BTBD9: variants seen among roughly 807,000 people sequenced by gnomAD.
BTBD9 encodes the protein BTB domain containing 9.
BTBD9 carries 49 observed loss-of-function variants against 64.3 expected under a neutral mutation model. The observed-to-expected ratio is 0.76, with a 90% CI of 0.61 to 0.97. The LOEUF (loss-of-function observed/expected upper bound fraction) is 0.97. Among genes scored for constraint, BTBD9 ranks in the 50% least tolerant of loss-of-function variants. The pLI is 0.00. For missense variants in BTBD9, 598 were observed against 762.1 expected (o/e 0.78, Z 2.53); for synonymous variants, 260 against 274.7 (o/e 0.95, Z 0.53).
intron 6 of BTBD9, among the ~76,000 whole-genome samples, chr6:38,364,902 A>T (rs1162303267): frequency 6.6e-6 from 1 of 152,178 alleles, no homozygotes; most frequent in Non-Finnish European, 1.5e-5. Context: ...GAGATCCTCA[A>T]AATCATTCAG....
intron 6 of BTBD9, among the ~76,000 whole-genome samples, chr6:38,484,298 C>T (rs1277661195): frequency 6.6e-6 from 1 of 151,956 alleles, no homozygotes; most frequent in East Asian, 1.9e-4. Context: ...TTTTAAATGT[C>T]TAATGAGGAT....
intron 6 of BTBD9, among the ~76,000 whole-genome samples, chr6:38,382,906 C>T (rs1473061962): frequency 1.3e-5 from 2 of 152,096 alleles, no homozygotes; most frequent in Non-Finnish European, 2.9e-5. Context: ...ATTTAATCAA[C>T]AGTTAATAGT....
intron 1 of BTBD9, among the ~76,000 whole-genome samples, chr6:38,636,011 C>T (rs1301477734): frequency 6.6e-6 from 1 of 152,082 alleles, no homozygotes; most frequent in African/African-American, 2.4e-5. Flanking sequence ...ACATCTATAA[C>T]TACTACTAAC....
intron 6 of BTBD9, among the ~76,000 whole-genome samples, chr6:38,560,390 A>G (rs1304903616): frequency 2.0e-5 from 3 of 152,172 alleles, no homozygotes; most frequent in Non-Finnish European, 4.4e-5. Flanking sequence ...CATAATAGCT[A>G]TTACTATTAT....
chr6:38,288,231 C>T lies in BTBD9; in HGVS notation c.1454+41G>A, dbSNP rs752957622. 3.8e-6 allele frequency: 6 copies of T among 1,566,366 alleles called. No individual in the cohort carries two copies. In the East Asian group the frequency reaches 1.1e-4, roughly 29 times the overall value. On this transcript the variant is annotated intron_variant, in intron 8 of 10. Transcript: ENST00000481247. ...ACCAAAATACAATCTATATGTGTAT[C>T]TTCCATTTTAAAACTTATGAATGAG... is the stretch of plus-strand genomic sequence containing the variant.
intron 9 of BTBD9, among the ~76,000 whole-genome samples, chr6:38,197,036 A>T (rs1436114898): frequency 6.6e-6 from 1 of 152,222 alleles, no homozygotes; most frequent in African/African-American, 2.4e-5. Context: ...CTGTAATGCA[A>T]ATGAAATCAT....
chr6:38,360,978 C>G (rs182477708), intron 6 of BTBD9, among the ~76,000 whole-genome samples: 1 of 152,242 alleles, frequency 6.6e-6, no homozygotes, highest in African/African-American at 2.4e-5. Context: ...AAGGGAGGAC[C>G]AGGATCTGAC....
At chr6:38,609,694 T>C (rs778936581) in intron 1 of BTBD9, among the ~76,000 whole-genome samples, 1 of 152,262 alleles carries the variant, frequency 6.6e-6, no homozygotes, top group Non-Finnish European at 1.5e-5. Flanking sequence ...GATGAGCTTA[T>C]GATTAGACTG....
At chr6:38,419,328 G>A (rs758796711) in intron 6 of BTBD9, among the ~76,000 whole-genome samples, 1 of 152,154 alleles carries the variant, frequency 6.6e-6, no homozygotes, top group Non-Finnish European at 1.5e-5. Context: ...AAAATTTACT[G>A]TGGCACTGTA....
At chr6:38,605,813 G>A (rs960661507) in intron 1 of BTBD9, among the ~76,000 whole-genome samples, 5 of 152,156 alleles carry the variant, frequency 3.3e-5, no homozygotes, top group South Asian at 2.1e-4. Context: ...GCAAGACCCT[G>A]TGTGATGGTT....
At chr6:38,331,815 C>A (rs1389974576) in intron 7 of BTBD9, among the ~76,000 whole-genome samples, 1 of 152,084 alleles carries the variant, frequency 6.6e-6, no homozygotes, top group African/African-American at 2.4e-5. Flanking sequence ...GCTGTGATTG[C>A]ATCACTGCAC....
chr6:38,458,467 T>G (rs1769921269), intron 6 of BTBD9, among the ~76,000 whole-genome samples: 1 of 152,154 alleles, frequency 6.6e-6, no homozygotes, highest in South Asian at 2.1e-4. Context: ...TAGCCTTCCC[T>G]AAAAGGCTTA....
At chr6:38,585,226 C>T (rs1287849609) in intron 4 of BTBD9, among the ~76,000 whole-genome samples, 2 of 152,154 alleles carry the variant, frequency 1.3e-5, no homozygotes, top group Non-Finnish European at 2.9e-5. Context: ...ATGATAGTTT[C>T]TCTAGCACAA....
rs57298651 is a variant in BTBD9 at position 38,303,283 on chromosome 6, T to A, written c.1265-14822A>T. ...GTTTTATTGTTTCAGGTCTTACTTTTAAGTCTTTAATTCATTTTGAGTTTA... is the reference window on the plus strand; with the variant it reads ...GTTTTATTGTTTCAGGTCTTACTTTAAAGTCTTTAATTCATTTTGAGTTTA... On this transcript the variant is annotated intron_variant, in intron 7 of 10. Coordinates refer to ENST00000481247, the MANE Select transcript of BTBD9 (RefSeq NM_001099272.2). Among the ~76,000 whole-genome samples, 812 of 152,076 alleles carry A rather than the reference T, an allele frequency of 5.3e-3. 7 individuals are homozygous for A. The highest frequency in any genetic ancestry group is 0.018 in the African/African-American group (755 of 41,558).
chr6:38,258,949 A>C (rs188670873), intron 8 of BTBD9, among the ~76,000 whole-genome samples: 2 of 152,350 alleles, frequency 1.3e-5, no homozygotes, highest in East Asian at 3.9e-4. Context: ...ACATTTCTTT[A>C]ATGTTAACTG....
At chr6:38,185,182 C>T (rs1761764948) in intron 10 of BTBD9, among the ~76,000 whole-genome samples, 1 of 151,914 alleles carries the variant, frequency 6.6e-6, no homozygotes, top group Non-Finnish European at 1.5e-5. Context: ...TCCTTCAGGG[C>T]TGGCTGCTGT....
At chr6:38,586,910 A>G (rs1776558446) in intron 4 of BTBD9, among the ~76,000 whole-genome samples, 2 of 151,250 alleles carry the variant, frequency 1.3e-5, no homozygotes, top group Admixed American at 6.6e-5. Context: ...TAAATATACA[A>G]AAATTAGCCA....
At chr6:38,368,676 A>C (rs908951948) in intron 6 of BTBD9, among the ~76,000 whole-genome samples, 1 of 152,066 alleles carries the variant, frequency 6.6e-6, no homozygotes, top group Middle Eastern at 3.2e-3. Flanking sequence ...AATCTGACAG[A>C]AGTTATGAAC....
intron 6 of BTBD9, among the ~76,000 whole-genome samples, chr6:38,496,173 A>G (rs1173378872): frequency 1.3e-5 from 2 of 152,136 alleles, no homozygotes; most frequent in Non-Finnish European, 2.9e-5. Flanking sequence ...CCCCACTTTC[A>G]CACATGACTC....
Sources: gnomAD v4.1 joint callset for allele counts (sites outside exome capture counted in the v4.1 genomes callset) on GRCh38, gnomAD v4.1.1 for gene constraint, MANE v1.5 for transcripts, NCBI Gene and HGNC (gene_info 2026-07-23, HGNC 2026-07-21) for gene names.